ARHGAP26: variants seen among roughly 807,000 people sequenced by gnomAD.
ARHGAP26 encodes the protein rho GTPase-activating protein 26.
In ARHGAP26, 38 loss-of-function variants were observed where a neutral mutation model predicts 104.8. That is an observed-to-expected ratio of 0.36 (90% CI 0.28 to 0.48). The LOEUF is 0.48. ARHGAP26 is among the 20% of genes least tolerant of loss of function. The probability of loss-of-function intolerance (pLI) is 0.99; values close to 1 mark genes in which losing one functional copy is unlikely to be tolerated. For synonymous variants in ARHGAP26, 341 were observed against 340.0 expected, an observed-to-expected ratio of 1.00 and a Z score of -0.03; for missense variants, 704 against 947.9, an observed-to-expected ratio of 0.74 and a Z score of 3.38.
chr5:142,997,057 G>A (rs1776506020), intron 11 of ARHGAP26, among the ~76,000 whole-genome samples: 3 of 152,012 alleles, frequency 2.0e-5, no homozygotes, highest in Non-Finnish European at 2.9e-5. Context: ...CACAAAAACA[G>A]CTATGGACAA....
chr5:142,850,150 T>C (rs1751231067), intron 1 of ARHGAP26, among the ~76,000 whole-genome samples: 1 of 152,222 alleles, frequency 6.6e-6, no homozygotes, highest in South Asian at 2.1e-4. Flanking sequence ...CTGCTCTGCC[T>C]ATGGCTTGTC....
intron 15 of ARHGAP26, among the ~76,000 whole-genome samples, chr5:143,055,764 A>G (rs1785720307): frequency 6.6e-6 from 1 of 152,206 alleles, no homozygotes; most frequent in African/African-American, 2.4e-5. Flanking sequence ...GAAATCTCTT[A>G]GTTTGTGTTA....
At chr5:142,904,016 C>T (rs1760744958) in intron 8 of ARHGAP26, among the ~76,000 whole-genome samples, 1 of 152,046 alleles carries the variant, frequency 6.6e-6, no homozygotes, top group Admixed American at 6.6e-5. Context: ...ATGCTAGGCC[C>T]CTGTTATCTA....
chr5:142,959,401 C>T (rs1769821343), intron 11 of ARHGAP26, among the ~76,000 whole-genome samples: 1 of 152,204 alleles, frequency 6.6e-6, no homozygotes, highest in Non-Finnish European at 1.5e-5. Flanking sequence ...TCTGCTCAGG[C>T]TAGAAATCAA....
chr5:142,914,229 C>T (rs1469740276), intron 10 of ARHGAP26, among the ~76,000 whole-genome samples: 1 of 152,244 alleles, frequency 6.6e-6, no homozygotes, highest in Non-Finnish European at 1.5e-5. Flanking sequence ...GTCTACTCTG[C>T]ACTGCAGGCT....
At chr5:142,773,674 C>G (rs1755706908) in intron 1 of ARHGAP26, among the ~76,000 whole-genome samples, 1 of 152,222 alleles carries the variant, frequency 6.6e-6, no homozygotes, top group Non-Finnish European at 1.5e-5. Context: ...GGAGTTCTTT[C>G]TCCATCACGG....
At chr5:143,078,763 A>G (rs1392053347) in intron 17 of ARHGAP26, among the ~76,000 whole-genome samples, 1 of 152,220 alleles carries the variant, frequency 6.6e-6, no homozygotes, top group African/African-American at 2.4e-5. Flanking sequence ...ACTGTGGTGA[A>G]ATAAGACAGG....
In ARHGAP26 at chr5:142,879,434, G is replaced by C; in HGVS notation, c.373G>C (p.Gly125Arg). ...PLEKFRKEQIGAAKEAKKKYD... is the reference protein window; with the variant it reads ...PLEKFRKEQIRAAKEAKKKYD... The stretch of plus-strand genomic sequence containing the variant: ...GGAGAAGTTTCGAAAGGAACAGATC[G>C]GGGCTGCCAAGGTGAGAATTTTGCA... The change falls in exon 4 of 23, where the codon GGG (glycine) becomes CGG (arginine). Residue 125 changes from glycine (G) to arginine (R), a missense_variant. This residue lies in a region of ARHGAP26 where 106 missense variants were observed against 120.5 expected (regional missense o/e 0.88). Transcript: ENST00000645722. The C allele has an allele frequency of 6.2e-7, 1 of 1,612,062 alleles. No individual in the cohort carries two copies. The highest frequency in any genetic ancestry group is 8.5e-7 in the Non-Finnish European group (1 of 1,179,214).
chr5:142,804,001 G>A (rs1236676661), intron 1 of ARHGAP26, among the ~76,000 whole-genome samples: 1 of 152,140 alleles, frequency 6.6e-6, no homozygotes, highest in Non-Finnish European at 1.5e-5. Flanking sequence ...CTTAACAGCA[G>A]CCCTGTGAAC....
chr5:143,152,159 A>G (rs894661947), intron 20 of ARHGAP26, among the ~76,000 whole-genome samples: 5 of 152,176 alleles, frequency 3.3e-5, no homozygotes, highest in African/African-American at 9.7e-5. Context: ...TGGGATATAC[A>G]CAAGACATTA....
intron 11 of ARHGAP26, among the ~76,000 whole-genome samples, chr5:142,989,590 G>C (rs557962758): frequency 3.1e-4 from 47 of 152,274 alleles, no homozygotes; most frequent in Admixed American, 1.8e-3. Context: ...TTACAATTTG[G>C]CATGTTTTTG....
At chr5:143,047,732 AT>A (rs1236693592) in intron 14 of ARHGAP26, among the ~76,000 whole-genome samples, 1 of 151,832 alleles carries the variant, frequency 6.6e-6, no homozygotes, top group African/African-American at 2.4e-5. Context: ...TTTATTGCTG[AT>A]TTATACTACT....
chr5:142,916,497 A>C (rs918548357), intron 10 of ARHGAP26, among the ~76,000 whole-genome samples: 7 of 152,232 alleles, frequency 4.6e-5, no homozygotes, highest in Non-Finnish European at 1.0e-4. Flanking sequence ...CAAGCTTTTT[A>C]GTTGTCCTTT....
chr5:142,851,376 C>T (rs1232914091), intron 1 of ARHGAP26, among the ~76,000 whole-genome samples: 4 of 152,144 alleles, frequency 2.6e-5, no homozygotes, highest in African/African-American at 7.2e-5. Flanking sequence ...GGATTACAGG[C>T]GTGAGCCGCT....
intron 17 of ARHGAP26, among the ~76,000 whole-genome samples, chr5:143,088,422 C>G (rs1186434539): frequency 6.6e-6 from 1 of 151,626 alleles, no homozygotes. Flanking sequence ...ATATATTGTT[C>G]TGAGATGCCA....
chr5:142,882,125 C>T (rs576147399), intron 4 of ARHGAP26, among the ~76,000 whole-genome samples: 1 of 152,246 alleles, frequency 6.6e-6, no homozygotes, highest in Admixed American at 6.5e-5. Context: ...AAGAGAGTAG[C>T]GTAGAGAGTG....
At chr5:143,166,950 G>A (rs555891107) in intron 20 of ARHGAP26, among the ~76,000 whole-genome samples, 106 of 152,136 alleles carry the variant, frequency 7.0e-4, no homozygotes, top group Non-Finnish European at 8.8e-4. Flanking sequence ...TGCTGATGAG[G>A]CAAAGTCCAG....
intron 17 of ARHGAP26, among the ~76,000 whole-genome samples, chr5:143,113,943 T>A (rs767654653): frequency 6.6e-6 from 1 of 152,162 alleles, no homozygotes; most frequent in Non-Finnish European, 1.5e-5. Context: ...GAGTATGGAC[T>A]CTGCAGACTT....
At chr5:142,980,292 T>G (rs1773729867) in intron 11 of ARHGAP26, among the ~76,000 whole-genome samples, 2 of 152,344 alleles carry the variant, frequency 1.3e-5, no homozygotes, top group Admixed American at 6.5e-5. Context: ...TTATTCATTC[T>G]TCGATTGAAC....
Sources: gnomAD v4.1 joint callset for allele counts (sites outside exome capture counted in the v4.1 genomes callset) on GRCh38, gnomAD v4.1.1 for gene constraint, gnomAD v4.1.1 regional missense constraint, MANE v1.5 for transcripts, NCBI Gene and HGNC (gene_info 2026-07-23, HGNC 2026-07-21) for gene names.